Variants in ATP8A2 observed in about 807,000 individuals in gnomAD.
ATP8A2 encodes ATPase phospholipid transporting 8A2.
A neutral mutation model predicts 165.6 loss-of-function variants in ATP8A2; 100 were observed. That is an observed-to-expected ratio of 0.60 (90% CI 0.51 to 0.71). The LOEUF (loss-of-function observed/expected upper bound fraction) is 0.71, where lower values mean the gene tolerates loss of function less well. Ranked by LOEUF, ATP8A2 falls within the 30% of genes least tolerant of loss-of-function variation. ATP8A2 has a pLI of 0.00. For synonymous variants in ATP8A2, 543 were observed against 548.8 expected, an observed-to-expected ratio of 0.99 and a Z score of 0.15; for missense variants, 1,227 against 1,479.5, an observed-to-expected ratio of 0.83 and a Z score of 2.80.
chr13:25,404,706 T>C (rs2033744819), intron 1 of ATP8A2, among the ~76,000 whole-genome samples: 1 of 151,658 alleles, frequency 6.6e-6, no homozygotes, highest in Non-Finnish European at 1.5e-5. Context: ...TGTGTAGGGA[T>C]AATCATTTTT....
intron 1 of ATP8A2, among the ~76,000 whole-genome samples, chr13:25,463,143 T>TTTTGG (rs10674299): frequency 6.9e-6 from 1 of 145,728 alleles, no homozygotes. Flanking sequence ...TTTTTTTTTT[T>TTTTGG]GAGATAATGA....
At chr13:25,640,385 GAATAAAATAGACAC>G (rs1566004164) in intron 24 of ATP8A2, among the ~76,000 whole-genome samples, 1 of 150,744 alleles carries the variant, frequency 6.6e-6, no homozygotes, top group Non-Finnish European at 1.5e-5. Flanking sequence ...AAAGAGAGAA[GAATAAAATAGACAC>G]AATAAAAAAT....
Position 25,457,727 on chromosome 13 carries a change from T to C in ATP8A2, c.77-11250T>C, listed in dbSNP as rs535199240. ...GGCCTTGGATTCAGATGATTGCATA[T>C]GCATCTCTTTGGCAGTGCTCTTGCT... is the stretch of plus-strand genomic sequence containing the variant. On this transcript the variant is annotated intron_variant, in intron 1 of 36. Transcript: ENST00000381655. Among the ~76,000 whole-genome samples the C allele has an allele frequency of 2.0e-5, 3 of 152,360 alleles. No individual in the cohort carries two copies. In the East Asian group the frequency reaches 5.8e-4, roughly 29 times the overall value.
In ATP8A2 at chr13:25,373,173, C is replaced by T. The variant is rs77439933; in HGVS notation, c.76+885C>T. On this transcript the variant is annotated intron_variant, in intron 1 of 36. Coordinates refer to ENST00000381655, the MANE Select transcript of ATP8A2 (RefSeq NM_016529.6). ...ATGATTTCTTACCGTTTCAGGACTGCGGCAAGTTTGCAGGTAGATCTTTGA... is the reference window on the plus strand; with the variant it reads ...ATGATTTCTTACCGTTTCAGGACTGTGGCAAGTTTGCAGGTAGATCTTTGA... Among the ~76,000 whole-genome samples the T allele has an allele frequency of 6.6e-3, 1,004 of 152,232 alleles. 16 individuals carry two copies. Among genetic ancestry groups the T allele is most frequent in the Admixed American group, 0.024 (368 of 15,290 alleles).
At chr13:26,012,049 C>T (rs1956858823) in intron 35 of ATP8A2, among the ~76,000 whole-genome samples, 1 of 131,028 alleles carries the variant, frequency 7.6e-6, no homozygotes, top group Non-Finnish European at 1.6e-5. Context: ...TGCTCCTTAG[C>T]CGTCTGTTTT....
At position 25,828,117 on chromosome 13, in the gene ATP8A2, G is replaced by C; in HGVS notation, c.2680-1G>C. 6.2e-7 allele frequency: 1 copy of C among 1,613,360 alleles called. No individual in the cohort carries two copies. The highest frequency in any genetic ancestry group is 8.5e-7 in the Non-Finnish European group (1 of 1,179,338). On this transcript the variant is annotated splice_acceptor_variant, in intron 27 of 36. Coordinates refer to ENST00000381655, the MANE Select transcript of ATP8A2 (RefSeq NM_016529.6). LOFTEE classifies it high-confidence loss of function. ...ACTTCATGAGCTTTCTTCTCTTTCA[G>C]CTTTGGTTCGCCTTTGTTAATGGAT...
intron 33 of ATP8A2, among the ~76,000 whole-genome samples, chr13:25,906,394 G>A (rs1953938195): frequency 6.6e-6 from 1 of 152,054 alleles, no homozygotes; most frequent in African/African-American, 2.4e-5. Flanking sequence ...AATCTGCAGT[G>A]ATGCCCTTAT....
chr13:25,489,101 G>A (rs1286887941), intron 2 of ATP8A2, among the ~76,000 whole-genome samples: 1 of 152,062 alleles, frequency 6.6e-6, no homozygotes, highest in African/African-American at 2.4e-5. Context: ...CTGTGACAGA[G>A]TTTCCCTTTC....
chr13:25,681,941 A>C (rs2042496794), intron 24 of ATP8A2, among the ~76,000 whole-genome samples: 1 of 152,170 alleles, frequency 6.6e-6, no homozygotes, highest in Admixed American at 6.5e-5. Flanking sequence ...AACTGACAAG[A>C]GTGATGGGTC....
chr13:25,724,327 A>G (rs537311166), intron 25 of ATP8A2, among the ~76,000 whole-genome samples: 10 of 152,346 alleles, frequency 6.6e-5, no homozygotes, highest in Admixed American at 1.3e-4. Flanking sequence ...TGGATTCACC[A>G]TCACTGTCAC....
chr13:25,761,746 A>G lies in ATP8A2; in HGVS notation c.2385-7300A>G, dbSNP rs138403135. 6.3e-4 allele frequency among the ~76,000 whole-genome samples: 96 copies of G among 151,864 alleles called. 1 individual carries two copies. The East Asian group carries it at 0.017, about 27-fold the overall frequency. ...ATAATTTGTTTGGATGATTTGTATCATGCAGCACCCCCAAGACTACTTGTA... is the reference window on the plus strand; with the variant it reads ...ATAATTTGTTTGGATGATTTGTATCGTGCAGCACCCCCAAGACTACTTGTA... On this transcript the variant is annotated intron_variant, in intron 25 of 36. Coordinates refer to ENST00000381655, the MANE Select transcript of ATP8A2 (RefSeq NM_016529.6).
intron 35 of ATP8A2, among the ~76,000 whole-genome samples, chr13:25,988,401 T>C (rs556368629): frequency 6.6e-6 from 1 of 152,336 alleles, no homozygotes; most frequent in Admixed American, 6.5e-5. Context: ...AATACCATAA[T>C]GATGACATGT....
At chr13:25,574,770 T>C in intron 18 of ATP8A2, 38 bp from the exon 19 acceptor site, 1 of 1,235,568 alleles carries the variant, frequency 8.1e-7, no homozygotes, top group East Asian at 2.3e-5. Flanking sequence ...ATTTTAATAC[T>C]TTGCACCTCG....
intron 33 of ATP8A2, among the ~76,000 whole-genome samples, chr13:25,893,217 C>A (rs1198582686): frequency 1.8e-5 from 2 of 112,990 alleles, no homozygotes; most frequent in African/African-American, 7.1e-5. Context: ...CACCCCACAA[C>A]AGTCCCCGGA....
In ATP8A2 at chr13:25,911,402, A is replaced by G. The variant is rs7993444; in HGVS notation, c.3183+48994A>G. On this transcript the variant is annotated intron_variant, in intron 33 of 36. Transcript: ENST00000381655. ...AGTAGCAGGTACTAGGGTGATTTGCAGGGGACTAAAAAGAGATTTTCTCAG... is the reference window on the plus strand; with the variant it reads ...AGTAGCAGGTACTAGGGTGATTTGCGGGGGACTAAAAAGAGATTTTCTCAG... 5.3e-5 allele frequency among the ~76,000 whole-genome samples: 8 copies of G among 152,304 alleles called. No individual in the cohort carries two copies. The South Asian group carries it at 1.7e-3, about 32-fold the overall frequency.
At chr13:25,484,485 T>C (rs2137602643) in intron 2 of ATP8A2, among the ~76,000 whole-genome samples, 1 of 152,164 alleles carries the variant, frequency 6.6e-6, no homozygotes, top group Non-Finnish European at 1.5e-5. Flanking sequence ...TTCAATGATA[T>C]AAAGGAATAT....
chr13:26,025,151 A>G lies in ATP8A2; in HGVS notation c.*5166A>G, dbSNP rs1016848913. 6.6e-6 allele frequency: 1 copy of G among 151,964 alleles called. No homozygotes were observed. Among genetic ancestry groups the G allele is most frequent in the African/African-American group, 2.4e-5 (1 of 41,376 alleles). The allele number at this position is 151,964 out of a possible 1,614,324, so 9.4% of individuals were successfully genotyped here. On this transcript the variant is annotated 3_prime_UTR_variant, in exon 37 of 37. Coordinates refer to ENST00000381655, the MANE Select transcript of ATP8A2 (RefSeq NM_016529.6). ...AAAAAAAAAAAAGGAAGAAAAGAAA[A>G]AAAGGAAACCAGCCCTGTCATGGAA...
intron 2 of ATP8A2, among the ~76,000 whole-genome samples, chr13:25,511,850 T>C (rs977972834): frequency 6.6e-6 from 1 of 152,122 alleles, no homozygotes; most frequent in Non-Finnish European, 1.5e-5. Flanking sequence ...TTCTTCTGTA[T>C]AACTTGTTAA....
intron 25 of ATP8A2, among the ~76,000 whole-genome samples, chr13:25,768,354 C>T (rs1226701115): frequency 6.6e-6 from 1 of 152,142 alleles, no homozygotes; most frequent in Non-Finnish European, 1.5e-5. Context: ...ATCTTGGATT[C>T]CTTGTGGAAA....
Sources: allele counts gnomAD v4.1 joint callset (sites outside exome capture counted in the v4.1 genomes callset), GRCh38; gene constraint gnomAD v4.1.1; transcripts MANE v1.5; gene names NCBI Gene and HGNC (gene_info 2026-07-23, HGNC 2026-07-21).